Variants in ZCCHC8 observed in about 807,000 individuals in gnomAD.
ZCCHC8 encodes the protein zinc finger CCHC-type containing 8.
Under a neutral mutation model 70.6 loss-of-function variants are expected in ZCCHC8, and 27 were observed. The observed-to-expected ratio is 0.38, with a 90% CI of 0.28 to 0.53. The LOEUF (loss-of-function observed/expected upper bound fraction) is 0.53. ZCCHC8 is among the 20% of genes least tolerant of loss of function. The probability of loss-of-function intolerance (pLI) is 0.81; values close to 1 mark genes in which losing one functional copy is unlikely to be tolerated. For synonymous variants in ZCCHC8, 293 were observed against 317.4 expected (o/e 0.92, Z 0.82); for missense variants, 737 against 876.9 (o/e 0.84, Z 2.01).
rs1465626065 is a variant in ZCCHC8, at chr12:122,478,173, A to G, written c.1227+33T>C. The G allele has an allele frequency of 2.6e-6, 4 of 1,515,110 alleles. No individual in the cohort carries two copies. The African/African-American group carries it at 4.1e-5, about 16-fold the overall frequency. 93.9% of individuals were successfully genotyped at this position (1,515,110 alleles called of 1,614,324 possible). On this transcript the variant is annotated intron_variant, in intron 12 of 13. Transcript: ENST00000633063. Reference sequence around the variant, plus strand: ...TACACAATCTCGCAGACACAACAACATTTTATAGAGCACACCCTTAAAATC... The same window carrying G: ...TACACAATCTCGCAGACACAACAACGTTTTATAGAGCACACCCTTAAAATC...
chr12:122,480,020 C>G (rs1168783908), intron 11 of ZCCHC8, among the ~76,000 whole-genome samples, 170 bp downstream of exon 11: 1 of 152,122 alleles, frequency 6.6e-6, no homozygotes, highest in African/African-American at 2.4e-5. Context: ...CTATGTTGCC[C>G]AGGCTGGTCT....
chr12:122,481,935 C>T lies in ZCCHC8; in HGVS notation c.875+10G>A. 6.2e-7 allele frequency: 1 copy of T among 1,608,728 alleles called. No homozygotes were observed. The highest frequency in any genetic ancestry group is 8.5e-7 in the Non-Finnish European group (1 of 1,177,942). The stretch of plus-strand genomic sequence containing the variant: ...AAAAATGACCTTCTATGGTAAAATG[C>T]CATTAGTACCTAATAACTCCTGGCT... On this transcript the variant is annotated intron_variant, in intron 9 of 13. Transcript: ENST00000633063.
chr12:122,473,540 T>C lies in ZCCHC8; in HGVS notation c.2081A>G (p.Asn694Ser), dbSNP rs1324658261. The change falls in exon 14 of 14, where the codon AAC (asparagine) becomes AGC (serine). Residue 694 changes from asparagine (N) to serine (S), a missense_variant. Asn to Ser is a conservative substitution (Grantham distance 46). Transcript: ENST00000633063. ...GTTTTTCTGCTGGTTTCGGGGTGAGTTCTTTAACAAGCTTCTTATCCTGAG... is the reference window on the plus strand; with the variant it reads ...GTTTTTCTGCTGGTTTCGGGGTGAGCTCTTTAACAAGCTTCTTATCCTGAG... Reference protein sequence around the residue: ...MYLRIRSLLKNSPRNQQKNKK... With the variant: ...MYLRIRSLLKSSPRNQQKNKK... 10 of 1,613,852 alleles carry C rather than the reference T, an allele frequency of 6.2e-6. No homozygotes were observed. The highest frequency in any genetic ancestry group is 8.5e-6 in the Non-Finnish European group (10 of 1,179,826).
chr12:122,478,394 T>A, intron 11 of ZCCHC8, 102 bp from the exon 12 acceptor site: 1 of 767,732 alleles, frequency 1.3e-6, no homozygotes, highest in Non-Finnish European at 2.1e-6. Flanking sequence ...TCAAATTACA[T>A]TTTTCCTTCT....
intron 4 of ZCCHC8, among the ~76,000 whole-genome samples, chr12:122,489,856 G>A (rs1957713334): frequency 6.6e-6 from 1 of 151,756 alleles, no homozygotes; most frequent in African/African-American, 2.4e-5. Flanking sequence ...TTTAAAAATT[G>A]TACAGAATAC....
intron 2 of ZCCHC8, among the ~76,000 whole-genome samples, chr12:122,493,480 G>A (rs1042665200): frequency 6.6e-6 from 1 of 151,890 alleles, no homozygotes; most frequent in Non-Finnish European, 1.5e-5. Flanking sequence ...GATTGCAGTG[G>A]GGGCAATCTC....
Position 122,492,786 on chromosome 12 carries a change from T to G in ZCCHC8, c.246A>C (p.Gly82=), listed in dbSNP as rs1279808700. 6.5e-6 allele frequency: 10 copies of G among 1,534,228 alleles called. No homozygotes were observed. The South Asian group carries it at 1.2e-4, about 18-fold the overall frequency. Residue 82 remains glycine, a synonymous_variant, in exon 3 of 14, where the codon GGA becomes GGC. Transcript: ENST00000633063. ...RKLNILTRPS[G]ILVNDTKLDG... ...CTAACTTAGTATCGTTCACCAATAT[T>G]CCACTAAAACAGAAGTTAGAACATA... is the stretch of plus-strand genomic sequence containing the variant.
intron 5 of ZCCHC8, among the ~76,000 whole-genome samples, chr12:122,485,834 C>T (rs539749894): frequency 6.6e-6 from 1 of 152,262 alleles, no homozygotes; most frequent in East Asian, 1.9e-4. Context: ...CCACGCCTGG[C>T]TAATTTTTTA....
chr12:122,498,481 C>G (rs774335787), intron 2 of ZCCHC8, among the ~76,000 whole-genome samples: 1 of 152,066 alleles, frequency 6.6e-6, no homozygotes, highest in Non-Finnish European at 1.5e-5. Context: ...CATGAGCCAC[C>G]AGACCCAGCC....
intron 2 of ZCCHC8, among the ~76,000 whole-genome samples, chr12:122,493,860 G>A (rs7486949): frequency 0.48 from 73,602 of 151,834 alleles, 18,981 homozygotes; most frequent in Non-Finnish European, 0.56. Context: ...TGATCTGCCC[G>A]CCTCGGCCTC....
At chr12:122,482,427 T>G (rs1371443839) in intron 8 of ZCCHC8, 3 of 451,434 alleles carry the variant, frequency 6.6e-6, no homozygotes, top group East Asian at 6.7e-5. Flanking sequence ...AGATTTCAAA[T>G]TAAAGGACAC....
chr12:122,474,031 A>G lies in ZCCHC8; in HGVS notation c.1590T>C (p.Ala530=). ...TGTTTACGCTCTCGGCCTGCTCAAG[A>G]GCTGCCCAGATCCGCCTCTGCTGTT... ...LEEQQRRIWA[A]LEQAESVNSD... is the part of the protein sequence containing the mutation. Residue 530 remains alanine, a synonymous_variant, in exon 14 of 14, where the codon GCT becomes GCC. Coordinates refer to ENST00000633063, the MANE Select transcript of ZCCHC8 (RefSeq NM_017612.5). The G allele has an allele frequency of 6.5e-7, 1 of 1,540,078 alleles. No homozygotes were observed. The highest frequency in any genetic ancestry group is 8.7e-7 in the Non-Finnish European group (1 of 1,146,802).
chr12:122,479,019 C>A (rs1225169895), intron 11 of ZCCHC8, among the ~76,000 whole-genome samples: 1 of 152,212 alleles, frequency 6.6e-6, no homozygotes, highest in Non-Finnish European at 1.5e-5. Context: ...ACTCTAACTT[C>A]AAGTCTTTGG....
chr12:122,482,824 C>CTGCAACAAG, intron 7 of ZCCHC8, 129 bp from the exon 8 acceptor site: 1 of 708,634 alleles, frequency 1.4e-6, no homozygotes, highest in Non-Finnish European at 2.4e-6. Flanking sequence ...TCACTAATAT[C>CTGCAACAAG]TGCAACAAGA....
At position 122,473,887 on chromosome 12, in the gene ZCCHC8, C is replaced by T; in HGVS notation, c.1734G>A (p.Leu578=). ...PEGKTSEKQT[L]DEPEVPEIFT... ...AAATCTCTGGTACCTCAGGCTCATC[C>T]AGCGTCTGCTTTTCAGATGTTTTTC... Residue 578 remains leucine, a synonymous_variant, in exon 14 of 14, where the codon CTG becomes CTA. Transcript: ENST00000633063. The T allele has an allele frequency of 6.2e-7, 1 of 1,613,924 alleles. No individual in the cohort carries two copies. The highest frequency in any genetic ancestry group is 8.5e-7 in the Non-Finnish European group (1 of 1,179,894).
At chr12:122,494,765 G>T (rs1957801765) in intron 2 of ZCCHC8, among the ~76,000 whole-genome samples, 1 of 152,188 alleles carries the variant, frequency 6.6e-6, no homozygotes, top group East Asian at 1.9e-4. Flanking sequence ...TGAGGCAGGA[G>T]AATTGCTTGA....
At chr12:122,480,856 C>G (rs1478646249) in intron 10 of ZCCHC8, 2 of 152,306 alleles carry the variant, frequency 1.3e-5, no homozygotes, top group Non-Finnish European at 2.9e-5. Context: ...CTGATCCACC[C>G]ATCTCGGCCT....
At chr12:122,491,655 C>T (rs1192144451) in intron 3 of ZCCHC8, among the ~76,000 whole-genome samples, 3 of 151,764 alleles carry the variant, frequency 2.0e-5, no homozygotes, top group African/African-American at 7.3e-5. Context: ...ATGGAGAAAC[C>T]CCGTCTCTAC....
chr12:122,483,216 C>T lies in ZCCHC8; in HGVS notation c.671+63G>A. 2 of 1,474,628 alleles carry T rather than the reference C, an allele frequency of 1.4e-6. No individual in the cohort carries two copies. Among genetic ancestry groups the T allele is most frequent in the Non-Finnish European group, 1.8e-6 (2 of 1,085,352 alleles). 91.3% of individuals were successfully genotyped at this position (1,474,628 alleles called of 1,614,324 possible). On this transcript the variant is annotated intron_variant, in intron 7 of 13. Transcript: ENST00000633063. The surrounding 1 kb of genome is among the most constrained non-coding windows in gnomAD (Gnocchi z 4.4). ...AGTAAAGAACATGAACTTTTCAAGC[C>T]AAAAGTTTATGATTTTGGTTAAAAA... is the stretch of plus-strand genomic sequence containing the variant.
Sources: gnomAD v4.1 joint callset for allele counts (sites outside exome capture counted in the v4.1 genomes callset) on GRCh38, gnomAD v4.1.1 for gene constraint, Gnocchi (gnomAD v3.1) non-coding constraint, MANE v1.5 for transcripts, NCBI Gene and HGNC (gene_info 2026-07-23, HGNC 2026-07-21) for gene names.